VRK2: variants seen among roughly 807,000 people sequenced by gnomAD.
VRK2 encodes serine/threonine-protein kinase VRK2.
In VRK2, 60 loss-of-function variants were observed where a neutral mutation model predicts 57.6. The ratio of observed to expected loss-of-function variants is 1.04; its 90% CI spans 0.85 to 1.29. VRK2 has a LOEUF of 1.29. VRK2 is among the 50% of genes most tolerant of loss of function. VRK2 has a pLI of 0.00. For missense variants in VRK2, 705 were observed against 588.1 expected, an observed-to-expected ratio of 1.20 and a Z score of -2.06; for synonymous variants, 231 against 199.2, an observed-to-expected ratio of 1.16 and a Z score of -1.35.
upstream of VRK2, chr2:58,046,408 T>C (rs1370703152): frequency 8.4e-6 from 7 of 829,040 alleles, no homozygotes; most frequent in Non-Finnish European, 1.0e-5. Context: ...GTACCAATAG[T>C]TAGTTGCTCG....
chr2:58,049,548 C>T (rs1222193229), intron 2 of VRK2, among the ~76,000 whole-genome samples: 1 of 152,070 alleles, frequency 6.6e-6, no homozygotes, highest in Non-Finnish European at 1.5e-5. Flanking sequence ...GAACCATGGG[C>T]TGGATAGGCC....
intron 10 of VRK2, among the ~76,000 whole-genome samples, chr2:58,136,605 C>CA (rs1390343895): frequency 6.6e-6 from 1 of 151,550 alleles, no homozygotes; most frequent in African/African-American, 2.4e-5. Flanking sequence ...GGCCTGGTCT[C>CA]AAACTCCTGA....
intron 1 of VRK2, among the ~76,000 whole-genome samples, chr2:58,020,673 G>T (rs761083843): frequency 6.6e-6 from 1 of 152,246 alleles, no homozygotes; most frequent in Non-Finnish European, 1.5e-5. Flanking sequence ...AATTGTGGAT[G>T]CTTCTGGGAA....
chr2:58,101,555 C>G (rs971404252), intron 7 of VRK2, among the ~76,000 whole-genome samples: 17 of 151,572 alleles, frequency 1.1e-4, no homozygotes, highest in African/African-American at 4.1e-4. Flanking sequence ...ATTAATTATT[C>G]TAATTGTACT....
intron 8 of VRK2, among the ~76,000 whole-genome samples, chr2:58,126,098 T>G (rs756996602): frequency 1.3e-5 from 2 of 151,034 alleles, no homozygotes; most frequent in Non-Finnish European, 2.9e-5. Context: ...AGTCCAACTA[T>G]GAGATCAAAT....
At chr2:58,047,100 A>T (rs935038648) in intron 1 of VRK2, 1 of 554,224 alleles carries the variant, frequency 1.8e-6, no homozygotes, top group Non-Finnish European at 2.3e-6. Flanking sequence ...CACGTTTGCC[A>T]AAAGCGGGTC....
chr2:57,981,125 A>G (rs1303406870), intron 1 of VRK2, among the ~76,000 whole-genome samples: 1 of 152,180 alleles, frequency 6.6e-6, no homozygotes, highest in Non-Finnish European at 1.5e-5. Flanking sequence ...GTTGCTTTAT[A>G]ATGTCAGTGG....
At chr2:57,973,622 C>G (rs1672161236) in intron 1 of VRK2, among the ~76,000 whole-genome samples, 1 of 151,772 alleles carries the variant, frequency 6.6e-6, no homozygotes, top group South Asian at 2.1e-4. Flanking sequence ...CACTGTCAAA[C>G]TATGAAGTGG....
intron 1 of VRK2, among the ~76,000 whole-genome samples, chr2:58,006,496 C>A (rs192217337): frequency 2.6e-5 from 4 of 152,242 alleles, no homozygotes; most frequent in Admixed American, 6.5e-5. Flanking sequence ...CTGACCAATA[C>A]TGTGAGGAAA....
intron 1 of VRK2, among the ~76,000 whole-genome samples, chr2:57,988,939 G>C (rs929342259): frequency 6.6e-6 from 1 of 152,142 alleles, no homozygotes; most frequent in African/African-American, 2.4e-5. Context: ...ACAGATTGGG[G>C]TTGCACATTC....
chr2:58,095,667 G>A (rs1046862395), intron 7 of VRK2, among the ~76,000 whole-genome samples: 3 of 151,806 alleles, frequency 2.0e-5, no homozygotes, highest in Non-Finnish European at 4.4e-5. Flanking sequence ...TTTAGTAATG[G>A]TTCTTTAGAG....
intron 1 of VRK2, chr2:58,047,519 C>T (rs1231538794): frequency 1.1e-6 from 1 of 901,112 alleles, no homozygotes; most frequent in African/African-American, 1.8e-5. Flanking sequence ...GAGGCCGCTG[C>T]CTTGCCCCAA....
intron 1 of VRK2, among the ~76,000 whole-genome samples, chr2:57,924,000 T>G (rs1172841919): frequency 1.3e-5 from 2 of 152,074 alleles, no homozygotes. Flanking sequence ...TAATGTATGT[T>G]CTTGGCACCT....
At chr2:58,112,485 G>T (rs984833436) in intron 7 of VRK2, among the ~76,000 whole-genome samples, 1 of 151,726 alleles carries the variant, frequency 6.6e-6, no homozygotes, top group Non-Finnish European at 1.5e-5. Flanking sequence ...CTCTCAGTGT[G>T]ACCTAATTGT....
chr2:57,989,123 A>AGC (rs1672686951), intron 1 of VRK2, among the ~76,000 whole-genome samples: 1 of 152,006 alleles, frequency 6.6e-6, no homozygotes, highest in Non-Finnish European at 1.5e-5. Context: ...TATCACCTTC[A>AGC]CACATAGCCT....
chr2:58,127,129 A>C (rs950620806), intron 8 of VRK2, among the ~76,000 whole-genome samples: 1 of 152,074 alleles, frequency 6.6e-6, no homozygotes, highest in Non-Finnish European at 1.5e-5. Flanking sequence ...CAAAGAAATA[A>C]ATATATTGCA....
intron 7 of VRK2, among the ~76,000 whole-genome samples, chr2:58,122,858 A>G (rs1677727171): frequency 1.3e-5 from 2 of 152,190 alleles, no homozygotes; most frequent in African/African-American, 4.8e-5. Flanking sequence ...GGAGCAAAAT[A>G]AAAAGATTAA....
intron 3 of VRK2, among the ~76,000 whole-genome samples, chr2:58,040,176 G>T (rs984887939): frequency 5.3e-5 from 8 of 152,054 alleles, no homozygotes; most frequent in Admixed American, 1.3e-4. Flanking sequence ...TTAAATATTG[G>T]TATATCTTAA....
At chr2:58,000,285 T>C (rs1673051394) in intron 1 of VRK2, among the ~76,000 whole-genome samples, 1 of 152,212 alleles carries the variant, frequency 6.6e-6, no homozygotes, top group Non-Finnish European at 1.5e-5. Flanking sequence ...CCTCAATAAT[T>C]TTACCTCTAA....
Sources: allele counts gnomAD v4.1 joint callset (sites outside exome capture counted in the v4.1 genomes callset), GRCh38; gene constraint gnomAD v4.1.1; transcripts MANE v1.5; gene names NCBI Gene and HGNC (gene_info 2026-07-23, HGNC 2026-07-21).